The following VEGFD variants were observed in gnomAD, a reference collection of about 807,000 sequenced individuals.
VEGFD encodes the protein vascular endothelial growth factor D, also known as c-fos induced growth factor (vascular endothelial growth factor D).
VEGFD carries 26 observed loss-of-function variants against 28.0 expected under a neutral mutation model. The observed-to-expected ratio is 0.93, with a 90% CI of 0.68 to 1.29. The LOEUF (loss-of-function observed/expected upper bound fraction) is 1.29. VEGFD is among the 50% of genes most tolerant of loss of function. VEGFD has a pLI of 0.00. For missense variants in VEGFD, 294 were observed against 273.4 expected (o/e 1.08, Z -0.53); for synonymous variants, 93 against 95.5 (o/e 0.97, Z 0.15).
intron 1 of VEGFD, among the ~76,000 whole-genome samples, chrX:15,373,928 C>A (rs1396224678): frequency 9.0e-6 from 1 of 111,245 alleles, no homozygotes; most frequent in Non-Finnish European, 1.9e-5. Context: ...CAGATGTTCT[C>A]CCTCCCCCAC....
chrX:15,356,644 CA>C (rs1200521789), intron 3 of VEGFD, among the ~76,000 whole-genome samples: 2 of 111,720 alleles, frequency 1.8e-5, no homozygotes, highest in Non-Finnish European at 3.8e-5. Flanking sequence ...TCTTCTTGCA[CA>C]ATTTTTTGGC....
intron 3 of VEGFD, among the ~76,000 whole-genome samples, chrX:15,356,751 AT>A (rs901199993): frequency 2.7e-5 from 3 of 110,020 alleles, no homozygotes; most frequent in South Asian, 3.8e-4. Context: ...TACTTGGGTC[AT>A]TTTTTTTTCC....
chrX:15,360,960 C>T (rs1010831465), intron 2 of VEGFD, among the ~76,000 whole-genome samples: 1 of 112,307 alleles, frequency 8.9e-6, no homozygotes, highest in African/African-American at 3.2e-5. Context: ...CTCTACTATT[C>T]TTTACTGCTT....
Position 15,358,138 on chromosome X carries a change from C to T in VEGFD, c.357G>A (p.Glu119=). The T allele has an allele frequency of 8.3e-7, 1 of 1,211,612 alleles. No homozygotes were observed. The highest frequency in any genetic ancestry group is 1.1e-6 in the Non-Finnish European group (1 of 895,411). ...TACTCTTCCCCAGCTCACTGGCCAC[C>T]TCCACGCACGTTTCTCTAGGGCTGC... ...TQCSPRETCV[E]VASELGKSTN... The change falls in exon 3 of 7, where the codon GAG becomes GAA. Residue 119 remains glutamate (E), a synonymous_variant. Transcript: ENST00000297904.
At chrX:15,353,474 T>C (rs2147737452) in intron 4 of VEGFD, among the ~76,000 whole-genome samples, 1 of 112,740 alleles carries the variant, frequency 8.9e-6, no homozygotes, top group African/African-American at 3.2e-5. Context: ...GTGCGGTGGC[T>C]CACGCCTGTA....
chrX:15,356,312 G>A (rs1352204972), intron 3 of VEGFD, among the ~76,000 whole-genome samples: 1 of 111,869 alleles, frequency 8.9e-6, no homozygotes, highest in Non-Finnish European at 1.9e-5. Context: ...ACTACATAGA[G>A]TATTCATTTG....
intron 1 of VEGFD, among the ~76,000 whole-genome samples, chrX:15,379,276 T>A (rs1446798327): frequency 8.9e-6 from 1 of 112,002 alleles, no homozygotes; most frequent in Non-Finnish European, 1.9e-5. Context: ...CTAGACTTAT[T>A]TCCTGCTTCA....
At chrX:15,353,256 T>C in intron 4 of VEGFD, 88 bp from the exon 5 acceptor site, 1 of 418,373 alleles carries the variant, frequency 2.4e-6, no homozygotes, top group South Asian at 5.3e-5. Flanking sequence ...GAGTAGATAA[T>C]AGTTAAGATT....
intron 2 of VEGFD, among the ~76,000 whole-genome samples, chrX:15,362,427 G>GT (rs1399840969): frequency 9.1e-6 from 1 of 109,981 alleles, no homozygotes; most frequent in Non-Finnish European, 1.9e-5. Flanking sequence ...GGAGGGGGTG[G>GT]TTTTTTTGAG....
At chrX:15,380,970 T>TATTAATGA (rs1273687896) in intron 1 of VEGFD, among the ~76,000 whole-genome samples, 1 of 112,755 alleles carries the variant, frequency 8.9e-6, no homozygotes, top group African/African-American at 3.2e-5. Context: ...AATCTGATTA[T>TATTAATGA]ATTAATGAAC....
At chrX:15,347,058 C>A in intron 6 of VEGFD, 106 bp downstream of exon 6, 1 of 711,508 alleles carries the variant, frequency 1.4e-6, no homozygotes, top group Non-Finnish European at 2.1e-6. Context: ...CCAAAAGGGA[C>A]TCAGGCACCA....
intron 1 of VEGFD, among the ~76,000 whole-genome samples, chrX:15,368,231 C>T (rs1226949298): frequency 9.0e-6 from 1 of 111,516 alleles, no homozygotes; most frequent in Non-Finnish European, 1.9e-5. Flanking sequence ...ATAGTTCTTA[C>T]AGGATTCAAT....
chrX:15,363,314 T>C lies in VEGFD; in HGVS notation c.96A>G (p.Ser32=), dbSNP rs748900335. Residue 32 remains serine (S), a synonymous_variant, in exon 2 of 7, where the codon TCA becomes TCG. Coordinates refer to ENST00000297904, the MANE Select transcript of VEGFD (RefSeq NM_004469.5). The stretch of plus-strand genomic sequence containing the variant: ...CAGATCGTTCCAATGTGGACTGAGA[T>C]GATCGCTTAAAAAAACAAAAATACC... ...SSNEHGPVKR[S]SQSTLERSEQ... The C allele has an allele frequency of 8.4e-7, 1 of 1,195,807 alleles. No individual in the cohort carries two copies. The highest frequency in any genetic ancestry group is 3.0e-5 in the East Asian group (1 of 33,622).
In VEGFD at chrX:15,363,201, C is replaced by T. The variant is rs750622132; in HGVS notation, c.209G>A (p.Arg70Lys). ...EDWKLWRCRLRLKSFTSMDSR... is the reference protein window; with the variant it reads ...EDWKLWRCRLKLKSFTSMDSR... ...GTCCATACTGGTAAAACTTTTGAGC[C>T]TCAGCCTGCATCTCCACAGCTTCCA... Residue 70 changes from arginine (R) to lysine (K), a missense_variant, in exon 2 of 7, where the codon AGG becomes AAG. Transcript: ENST00000297904. The T allele has an allele frequency of 2.5e-6, 3 of 1,209,639 alleles. No individual in the cohort carries two copies. The highest frequency in any genetic ancestry group is 3.4e-6 in the Non-Finnish European group (3 of 895,032).
At chrX:15,347,453 C>T in intron 5 of VEGFD, 94 bp from the exon 6 acceptor site, 6 of 695,060 alleles carry the variant, frequency 8.6e-6, no homozygotes, top group Non-Finnish European at 1.0e-5. Flanking sequence ...CCGTAAGTAA[C>T]TTGGATTCAC....
At chrX:15,353,828 C>A (rs779188151) in intron 4 of VEGFD, among the ~76,000 whole-genome samples, 23 of 110,903 alleles carry the variant, frequency 2.1e-4, no homozygotes, top group Non-Finnish European at 3.8e-4. Flanking sequence ...AAATATTCTA[C>A]GTGGAAATGT....
rs369324337 is a variant in VEGFD at position 15,355,203 on chromosome X, G to A, written c.588C>T (p.Pro196=). 31 of 1,206,186 alleles carry A rather than the reference G, an allele frequency of 2.6e-5. No homozygotes were observed. The Middle Eastern group carries it at 1.2e-3, about 45-fold the overall frequency. Residue 196 remains proline (P), a synonymous_variant, in exon 4 of 7, where the codon CCC becomes CCT. Coordinates refer to ENST00000297904, the MANE Select transcript of VEGFD (RefSeq NM_004469.5). ...HTGCKCLPTA[P]RHPYSIIRRS... is the part of the protein sequence containing the mutation. ...TTCTGATAATTGAGTATGGATGGCG[G>A]GGGGCTGTTGGCAAGCACTTACAAC...
At chrX:15,348,715 A>G (rs1922615360) in intron 5 of VEGFD, among the ~76,000 whole-genome samples, 1 of 112,280 alleles carries the variant, frequency 8.9e-6, no homozygotes, top group South Asian at 3.6e-4. Context: ...TATCCTGTGC[A>G]TATTGCTGTC....
intron 1 of VEGFD, among the ~76,000 whole-genome samples, chrX:15,382,638 T>C (rs1295998381): frequency 3.6e-5 from 4 of 111,630 alleles, no homozygotes; most frequent in Non-Finnish European, 7.5e-5. Flanking sequence ...ACAGTCAGAT[T>C]CCCATTTACC....
Sources: allele counts gnomAD v4.1 joint callset (sites outside exome capture counted in the v4.1 genomes callset), GRCh38; gene constraint gnomAD v4.1.1; transcripts MANE v1.5; gene names NCBI Gene and HGNC (gene_info 2026-07-23, HGNC 2026-07-21).